Variants in COBL observed in about 807,000 individuals in gnomAD.
The protein encoded by COBL is cordon-bleu WH2 repeat protein, also known as protein cordon-bleu.
In COBL, 51 loss-of-function variants were observed where a neutral mutation model predicts 98.8. The observed-to-expected ratio is 0.52, with a 90% CI of 0.41 to 0.65. The LOEUF (loss-of-function observed/expected upper bound fraction) is 0.65, where lower values mean the gene tolerates loss of function less well. COBL is among the 30% of genes least tolerant of loss of function. COBL has a pLI of 0.00. For missense variants in COBL, 1,617 were observed against 1,617.5 expected (o/e 1.00, Z 0.01); for synonymous variants, 634 against 651.7 (o/e 0.97, Z 0.41).
At chr7:51,213,576 C>G (rs1447630079) in intron 2 of COBL, among the ~76,000 whole-genome samples, 1 of 151,920 alleles carries the variant, frequency 6.6e-6, no homozygotes. Flanking sequence ...CAGCAGAACA[C>G]AAAAAGGGTC....
In COBL at chr7:51,028,637, G is replaced by A. The variant is rs1197423010; in HGVS notation, c.2459C>T (p.Ser820Phe). The change falls in exon 10 of 13, where the codon TCT becomes TTT. Residue 820 changes from serine (S) to phenylalanine (F), a missense_variant. Ser to Phe is a radical substitution (Grantham distance 155, BLOSUM62 -2). This residue lies in a region of COBL where 1,304 missense variants were observed against 1,282.0 expected (regional missense o/e 1.02). Transcript: ENST00000265136. ...GGGGTTCCGGCCCTCATGGTGGGCAGACTTCTGCTGGGGCGATATTGGCTT... is the reference window on the plus strand; with the variant it reads ...GGGGTTCCGGCCCTCATGGTGGGCAAACTTCTGCTGGGGCGATATTGGCTT... ...DPKPISPQQK[S>F]AHHEGRNPLG... 2 of 1,613,366 alleles carry A rather than the reference G, an allele frequency of 1.2e-6. No individual in the cohort carries two copies. The highest frequency in any genetic ancestry group is 3.3e-5 in the Admixed American group (2 of 59,944).
intron 6 of COBL, among the ~76,000 whole-genome samples, chr7:51,126,865 A>G (rs1163926796): frequency 6.6e-6 from 1 of 152,114 alleles, no homozygotes; most frequent in Non-Finnish European, 1.5e-5. Context: ...CCCCCTCTTC[A>G]GTGTCACCAG....
intron 6 of COBL, among the ~76,000 whole-genome samples, chr7:51,105,736 A>C (rs1191128405): frequency 6.6e-6 from 1 of 152,062 alleles, no homozygotes; most frequent in African/African-American, 2.4e-5. Context: ...AGCCTGGGCA[A>C]CAGAACAAGA....
intron 5 of COBL, among the ~76,000 whole-genome samples, chr7:51,138,064 C>A (rs1218533746): frequency 1.3e-5 from 2 of 152,132 alleles, no homozygotes; most frequent in Admixed American, 6.5e-5. Context: ...AGCCAAAGGA[C>A]AAAGCACTCC....
rs147042834 is a variant in COBL, at chr7:51,084,820, T to C, written c.1096+346A>G. On this transcript the variant is annotated intron_variant, in intron 7 of 12. Transcript: ENST00000265136. Reference sequence around the variant, plus strand: ...AATGCCAAATGTCCTTCAAAGCAGTTTCCACGATGTCACCCTAGGAACTTC... The same window carrying C: ...AATGCCAAATGTCCTTCAAAGCAGTCTCCACGATGTCACCCTAGGAACTTC... 6.6e-5 allele frequency among the ~76,000 whole-genome samples: 10 copies of C among 152,214 alleles called. No homozygotes were observed. In the East Asian group the frequency reaches 1.9e-3, roughly 29 times the overall value.
At chr7:51,179,947 C>T (rs144019087) in intron 5 of COBL, among the ~76,000 whole-genome samples, 1 of 152,302 alleles carries the variant, frequency 6.6e-6, no homozygotes, top group African/African-American at 2.4e-5. Context: ...TGTTTTCTAG[C>T]ATCAAGAAAA....
intron 7 of COBL, among the ~76,000 whole-genome samples, chr7:51,075,178 T>C (rs981506634): frequency 6.6e-6 from 1 of 152,228 alleles, no homozygotes; most frequent in Non-Finnish European, 1.5e-5. Flanking sequence ...CTATTCACAA[T>C]GTATTGGCTA....
chr7:51,107,182 C>T (rs964717771), intron 6 of COBL, among the ~76,000 whole-genome samples: 2 of 150,388 alleles, frequency 1.3e-5, no homozygotes, highest in Non-Finnish European at 2.9e-5. Flanking sequence ...GCAACCTCCA[C>T]CTCCCAGGTT....
At chr7:51,109,412 G>T (rs1029217048) in intron 6 of COBL, among the ~76,000 whole-genome samples, 1 of 152,142 alleles carries the variant, frequency 6.6e-6, no homozygotes, top group Non-Finnish European at 1.5e-5. Context: ...AATCTTTAAA[G>T]GTTGGATTCT....
Position 51,096,014 on chromosome 7 carries a change from C to T in COBL, c.958-10710G>A, listed in dbSNP as rs573511833. Among the ~76,000 whole-genome samples, 3 of 152,210 alleles carry T rather than the reference C, an allele frequency of 2.0e-5. No individual in the cohort carries two copies. The South Asian group carries it at 6.2e-4, about 32-fold the overall frequency. On this transcript the variant is annotated intron_variant, in intron 6 of 12. Coordinates refer to ENST00000265136, the MANE Select transcript of COBL (RefSeq NM_015198.5). The stretch of plus-strand genomic sequence containing the variant: ...ATCCATAAGTAATAGAGGACTTGAA[C>T]AACAATATAGACCAATGGGATCTAA...
At chr7:51,080,002 G>A (rs1027172011) in intron 7 of COBL, among the ~76,000 whole-genome samples, 1 of 152,180 alleles carries the variant, frequency 6.6e-6, no homozygotes, top group Non-Finnish European at 1.5e-5. Flanking sequence ...ATCAAAATTG[G>A]AGTGAGGGCT....
intron 5 of COBL, among the ~76,000 whole-genome samples, chr7:51,174,224 C>A (rs970240192): frequency 1.3e-5 from 2 of 152,138 alleles, no homozygotes; most frequent in Admixed American, 1.3e-4. Context: ...GGCATTTACC[C>A]GCACTATGCT....
At chr7:51,095,856 C>T (rs183025548) in intron 6 of COBL, among the ~76,000 whole-genome samples, 19 of 152,096 alleles carry the variant, frequency 1.2e-4, no homozygotes, top group African/African-American at 3.6e-4. Context: ...TAAATACATG[C>T]GCATCTACCA....
chr7:51,263,348 G>C (rs934409235), intron 1 of COBL, among the ~76,000 whole-genome samples: 6 of 152,142 alleles, frequency 3.9e-5, no homozygotes, highest in South Asian at 4.1e-4. Context: ...GGGAGCAAAT[G>C]GATTGTTTTA....
intron 7 of COBL, among the ~76,000 whole-genome samples, chr7:51,056,503 C>T (rs1790761803): frequency 1.3e-5 from 2 of 152,106 alleles, no homozygotes; most frequent in African/African-American, 4.8e-5. Context: ...CCATCTGCAA[C>T]CTCAGGGCAT....
chr7:51,304,983 C>T (rs768531806), intron 1 of COBL, among the ~76,000 whole-genome samples: 1 of 152,096 alleles, frequency 6.6e-6, no homozygotes, highest in Non-Finnish European at 1.5e-5. Context: ...AGCTGCAAAC[C>T]AGCCGTGCTC....
chr7:51,237,538 TAAAAAAAAA>T (rs5884200), intron 1 of COBL, among the ~76,000 whole-genome samples: 2 of 132,760 alleles, frequency 1.5e-5, no homozygotes, highest in South Asian at 2.4e-4. Flanking sequence ...TTTTTTTTCT[TAAAAAAAAA>T]AAAAAAAAAC....
chr7:51,288,052 T>C (rs571383903), intron 1 of COBL, among the ~76,000 whole-genome samples: 14 of 152,326 alleles, frequency 9.2e-5, no homozygotes, highest in Admixed American at 5.9e-4. Context: ...TGTGTGCTAA[T>C]TGTGGTATCT....
chr7:51,299,227 G>A (rs1472849962), intron 1 of COBL, among the ~76,000 whole-genome samples: 5 of 152,196 alleles, frequency 3.3e-5, no homozygotes, highest in East Asian at 1.9e-4. Context: ...AGACACTAAC[G>A]AATGCGTGAG....
Sources: allele counts gnomAD v4.1 joint callset (sites outside exome capture counted in the v4.1 genomes callset), GRCh38; gene constraint gnomAD v4.1.1; regional missense constraint gnomAD v4.1.1; transcripts MANE v1.5; gene names NCBI Gene and HGNC (gene_info 2026-07-23, HGNC 2026-07-21).